Variants in AGBL4 observed in about 807,000 individuals in gnomAD.
AGBL4 encodes the protein cytosolic carboxypeptidase 6.
A neutral mutation model predicts 66.4 loss-of-function variants in AGBL4; 58 were observed. That is an observed-to-expected ratio of 0.87 (90% CI 0.71 to 1.09). The LOEUF (loss-of-function observed/expected upper bound fraction) is 1.09, where lower values mean the gene tolerates loss of function less well. Among genes scored for constraint, AGBL4 ranks in the 50% least tolerant of loss-of-function variants. The probability of loss-of-function intolerance (pLI) is 0.00; values close to 1 mark genes in which losing one functional copy is unlikely to be tolerated. For missense variants in AGBL4, 579 were observed against 631.0 expected (o/e 0.92, Z 0.88); for synonymous variants, 234 against 222.9 (o/e 1.05, Z -0.44).
intron 2 of AGBL4, among the ~76,000 whole-genome samples, chr1:49,802,225 T>C (rs572825886): frequency 2.0e-5 from 3 of 152,050 alleles, no homozygotes; most frequent in Non-Finnish European, 4.4e-5. Context: ...GGGAATGGAA[T>C]GTGACCCATG....
chr1:49,394,720 C>T (rs1644919607), intron 3 of AGBL4, among the ~76,000 whole-genome samples: 2 of 152,180 alleles, frequency 1.3e-5, no homozygotes, highest in Non-Finnish European at 1.5e-5. Context: ...CCCTCTGCTC[C>T]TGCATTGCTT....
chr1:49,867,446 T>C (rs139171439), intron 1 of AGBL4, among the ~76,000 whole-genome samples: 14,388 of 150,644 alleles, frequency 0.096, 942 homozygotes, highest in African/African-American at 0.17. Flanking sequence ...CCCATTAACT[T>C]GTCATTTACA....
At chr1:49,129,924 C>T (rs1490259824) in intron 4 of AGBL4, among the ~76,000 whole-genome samples, 1 of 152,190 alleles carries the variant, frequency 6.6e-6, no homozygotes, top group Non-Finnish European at 1.5e-5. Flanking sequence ...GTTTACCGTG[C>T]CACCAACAGT....
chr1:49,882,059 T>C (rs1026710550), intron 1 of AGBL4, among the ~76,000 whole-genome samples: 227 of 152,260 alleles, frequency 1.5e-3, no homozygotes, highest in Non-Finnish European at 2.8e-3. Context: ...TGAATTGATT[T>C]TCATATAAGG....
chr1:49,529,294 T>G (rs1570956576), intron 3 of AGBL4, among the ~76,000 whole-genome samples: 1 of 152,170 alleles, frequency 6.6e-6, no homozygotes, highest in East Asian at 1.9e-4. Flanking sequence ...AAGAAAAAAT[T>G]TGAAAAGACT....
chr1:49,667,006 A>C (rs1646384568), intron 3 of AGBL4, among the ~76,000 whole-genome samples: 1 of 152,118 alleles, frequency 6.6e-6, no homozygotes, highest in South Asian at 2.1e-4. Context: ...TCTGCCACTA[A>C]TATGCTTCGT....
intron 6 of AGBL4, chr1:48,727,718 T>TGCCC (rs1290908603): frequency 2.1e-6 from 1 of 475,412 alleles, no homozygotes; most frequent in Non-Finnish European, 3.6e-6. Flanking sequence ...CAAAGCCATC[T>TGCCC]GTCGTCTTTG....
intron 1 of AGBL4, among the ~76,000 whole-genome samples, chr1:49,884,546 A>C (rs1399701708): frequency 6.6e-6 from 1 of 151,896 alleles, no homozygotes. Flanking sequence ...ATGTAAAGTA[A>C]CACTGAATAC....
At chr1:48,587,301 T>C (rs1644838758) in intron 10 of AGBL4, 135 bp from the exon 11 acceptor site, 1 of 829,082 alleles carries the variant, frequency 1.2e-6, no homozygotes, top group Non-Finnish European at 1.8e-6. Context: ...CACATGATTA[T>C]TATAAGGACT....
intron 2 of AGBL4, among the ~76,000 whole-genome samples, chr1:49,767,017 A>G (rs1185231482): frequency 6.6e-6 from 1 of 152,110 alleles, no homozygotes; most frequent in Non-Finnish European, 1.5e-5. Context: ...AAACTTCAAC[A>G]CCCCACTGAG....
chr1:49,108,732 A>C (rs1220811407), intron 4 of AGBL4, among the ~76,000 whole-genome samples: 1 of 152,260 alleles, frequency 6.6e-6, no homozygotes, highest in South Asian at 2.1e-4. Flanking sequence ...ACATAACATG[A>C]ATTTTTTAAA....
intron 2 of AGBL4, among the ~76,000 whole-genome samples, chr1:49,821,762 A>G (rs1299750208): frequency 1.3e-5 from 2 of 152,244 alleles, no homozygotes; most frequent in African/African-American, 4.8e-5. Flanking sequence ...AAATGTTCCT[A>G]TAAATGATAG....
At chr1:49,797,855 C>T (rs1644768323) in intron 2 of AGBL4, among the ~76,000 whole-genome samples, 3 of 152,018 alleles carry the variant, frequency 2.0e-5, no homozygotes, top group Admixed American at 1.3e-4. Context: ...CTTCCGCCTC[C>T]CGCGTTCAAG....
At chr1:49,666,073 C>T (rs950488358) in intron 3 of AGBL4, among the ~76,000 whole-genome samples, 1 of 151,832 alleles carries the variant, frequency 6.6e-6, no homozygotes, top group Non-Finnish European at 1.5e-5. Context: ...AGCAATCCTC[C>T]TACCTCAACA....
At chr1:49,832,614 G>C (rs1350322959) in intron 2 of AGBL4, among the ~76,000 whole-genome samples, 1,936 of 151,092 alleles carry the variant, frequency 0.013, 16 homozygotes, top group African/African-American at 0.03. Context: ...GTCCCACCAA[G>C]AGTGTAAAAG....
intron 2 of AGBL4, chr1:49,845,838 C>CT: frequency 6.7e-7 from 1 of 1,483,072 alleles, no homozygotes; most frequent in Non-Finnish European, 9.4e-7. Context: ...CGTTCGACTG[C>CT]AGTCAGTGTG....
At chr1:49,983,452 C>T (rs1357062222) in intron 1 of AGBL4, among the ~76,000 whole-genome samples, 1 of 152,236 alleles carries the variant, frequency 6.6e-6, no homozygotes, top group African/African-American at 2.4e-5. Flanking sequence ...TGCTCACTTG[C>T]TCACACACCG....
intron 3 of AGBL4, among the ~76,000 whole-genome samples, chr1:49,683,294 C>T (rs187065130): frequency 6.6e-6 from 1 of 152,214 alleles, no homozygotes; most frequent in East Asian, 1.9e-4. Context: ...GGTGTCATTG[C>T]AGAGATAAAG....
chr1:48,656,297 G>C (rs1247524689), intron 7 of AGBL4, among the ~76,000 whole-genome samples: 1 of 152,206 alleles, frequency 6.6e-6, no homozygotes, highest in Non-Finnish European at 1.5e-5. Context: ...ACAGTGTTTG[G>C]TTTAGGGCTG....
Sources: allele counts gnomAD v4.1 joint callset (sites outside exome capture counted in the v4.1 genomes callset), GRCh38; gene constraint gnomAD v4.1.1; transcripts MANE v1.5; gene names NCBI Gene and HGNC (gene_info 2026-07-23, HGNC 2026-07-21).